TNIK: variants seen among roughly 807,000 people sequenced by gnomAD.
The protein encoded by TNIK is TRAF2 and NCK-interacting protein kinase.
A neutral mutation model predicts 191.3 loss-of-function variants in TNIK; 49 were observed. The observed-to-expected ratio is 0.26, with a 90% CI of 0.20 to 0.32. The LOEUF is 0.32. TNIK is among the 10% of genes least tolerant of loss of function. The pLI, the probability that TNIK is intolerant of heterozygous loss-of-function variation, is 1.00. For synonymous variants in TNIK, 594 were observed against 600.9 expected, an observed-to-expected ratio of 0.99 and a Z score of 0.17; for missense variants, 1,155 against 1,702.3, an observed-to-expected ratio of 0.68 and a Z score of 5.66.
chr3:171,301,143 T>C (rs999843085), intron 2 of TNIK, among the ~76,000 whole-genome samples: 3 of 150,680 alleles, frequency 2.0e-5, no homozygotes, highest in Non-Finnish European at 4.4e-5. Flanking sequence ...CCACCAAGAA[T>C]GGGAGGAGCA....
intron 1 of TNIK, among the ~76,000 whole-genome samples, chr3:171,420,851 T>A (rs1723708198): frequency 6.6e-6 from 1 of 152,202 alleles, no homozygotes; most frequent in Admixed American, 6.5e-5. Flanking sequence ...GCATCTATTG[T>A]GTGGATACAC....
chr3:171,099,291 A>G (rs1470556829), intron 22 of TNIK, among the ~76,000 whole-genome samples: 1 of 152,128 alleles, frequency 6.6e-6, no homozygotes, highest in Non-Finnish European at 1.5e-5. Flanking sequence ...TCCACCGTAT[A>G]CACCATACAT....
At chr3:171,221,442 T>C (rs1198332895) in intron 3 of TNIK, among the ~76,000 whole-genome samples, 3 of 152,158 alleles carry the variant, frequency 2.0e-5, no homozygotes, top group Non-Finnish European at 2.9e-5. Context: ...TAGCTGTCAC[T>C]TTCTCAGAAA....
chr3:171,347,257 C>T (rs1427910338), intron 2 of TNIK: 10 of 1,518,932 alleles, frequency 6.6e-6, no homozygotes, highest in South Asian at 2.4e-5. Flanking sequence ...ATGACAAAAC[C>T]CTAGCTCAGG....
At position 171,136,468 on chromosome 3, in the gene TNIK, T is replaced by G. The variant is rs74560574; in HGVS notation, c.1608+1723A>C. On this transcript the variant is annotated intron_variant, in intron 15 of 32. Transcript: ENST00000436636. ...TGGGCTACATCCTTGGGAGTGAGAGTGCCTTGGAGATCTCACTATGGTCCT... is the reference window on the plus strand; with the variant it reads ...TGGGCTACATCCTTGGGAGTGAGAGGGCCTTGGAGATCTCACTATGGTCCT... Among the ~76,000 whole-genome samples the G allele has an allele frequency of 0.01, 1,583 of 152,122 alleles. 41 individuals are homozygous for G. In the East Asian group the frequency reaches 0.11, roughly 10 times the overall value.
At chr3:171,354,802 A>G (rs1001766490) in intron 2 of TNIK, among the ~76,000 whole-genome samples, 10 of 152,242 alleles carry the variant, frequency 6.6e-5, no homozygotes, top group African/African-American at 2.4e-4. Flanking sequence ...AGGTAACACC[A>G]TGATGCATAG....
chr3:171,330,093 T>C (rs1258451610), intron 2 of TNIK, among the ~76,000 whole-genome samples: 1 of 152,202 alleles, frequency 6.6e-6, no homozygotes, highest in Admixed American at 6.5e-5. Context: ...ATCTTAACAT[T>C]TGAAGGTTTG....
intron 4 of TNIK, among the ~76,000 whole-genome samples, chr3:171,203,204 G>A (rs1159830273): frequency 6.6e-6 from 1 of 152,104 alleles, no homozygotes; most frequent in Non-Finnish European, 1.5e-5. Flanking sequence ...TTTTTACCAA[G>A]CCAAGACGCT....
rs958555100 is a variant in TNIK, at chr3:171,398,154, T to A, written c.58-28469A>T. Reference sequence around the variant, plus strand: ...TCACAGTAAATAGCACAGACTTTTGTAGATACCAAAATAACTGATGTTTTA... The same window carrying A: ...TCACAGTAAATAGCACAGACTTTTGAAGATACCAAAATAACTGATGTTTTA... On this transcript the variant is annotated intron_variant, in intron 1 of 32. Transcript: ENST00000436636. Among the ~76,000 whole-genome samples, 3 of 152,354 alleles carry A rather than the reference T, an allele frequency of 2.0e-5. No homozygotes were observed. The East Asian group carries it at 5.8e-4, about 29-fold the overall frequency.
At chr3:171,199,797 A>G (rs1409017320) in intron 4 of TNIK, among the ~76,000 whole-genome samples, 1 of 152,254 alleles carries the variant, frequency 6.6e-6, no homozygotes, top group Non-Finnish European at 1.5e-5. Context: ...ATTAATTGTG[A>G]CTATGGATAT....
At chr3:171,141,917 ACT>A (rs899566698) in intron 12 of TNIK, among the ~76,000 whole-genome samples, 92 of 152,102 alleles carry the variant, frequency 6.0e-4, no homozygotes, top group African/African-American at 2.2e-3. Context: ...ACTGTCTCAC[ACT>A]GATAAGTTAG....
chr3:171,435,223 A>T (rs571707291), intron 1 of TNIK, among the ~76,000 whole-genome samples: 2 of 152,354 alleles, frequency 1.3e-5, no homozygotes, highest in East Asian at 3.9e-4. Context: ...ACCCCCAGTG[A>T]GGCTTCCTCT....
intron 14 of TNIK, among the ~76,000 whole-genome samples, chr3:171,138,834 G>T (rs1272994125): frequency 6.6e-6 from 1 of 151,884 alleles, no homozygotes; most frequent in African/African-American, 2.4e-5. Context: ...AATAAAACTT[G>T]GACCTACAAA....
intron 19 of TNIK, among the ~76,000 whole-genome samples, chr3:171,110,007 C>T (rs138698531): frequency 0.012 from 1,888 of 151,956 alleles, 44 homozygotes; most frequent in African/African-American, 0.043. Flanking sequence ...TGGGTTCAAG[C>T]GATTCTCCTG....
chr3:171,418,280 T>G (rs138607841), intron 1 of TNIK, among the ~76,000 whole-genome samples: 32 of 152,284 alleles, frequency 2.1e-4, no homozygotes, highest in African/African-American at 7.0e-4. Flanking sequence ...CCCTGGCAAC[T>G]TCCATAAGGA....
intron 1 of TNIK, among the ~76,000 whole-genome samples, chr3:171,378,915 G>A (rs1559996477): frequency 6.6e-6 from 1 of 152,132 alleles, no homozygotes; most frequent in African/African-American, 2.4e-5. Flanking sequence ...TTTTCCTTCT[G>A]TTTGATTTCA....
chr3:171,167,360 T>G, intron 9 of TNIK, 90 bp from the exon 10 acceptor site: 1 of 1,495,570 alleles, frequency 6.7e-7, no homozygotes, highest in Non-Finnish European at 8.9e-7. Context: ...ACTTTTTCTT[T>G]TTTTAAGGTC....
intron 12 of TNIK, among the ~76,000 whole-genome samples, chr3:171,144,354 G>A (rs1203058567): frequency 6.6e-6 from 1 of 152,036 alleles, no homozygotes; most frequent in African/African-American, 2.4e-5. Flanking sequence ...TGTCCCTTTT[G>A]TCTTCTGTTG....
At chr3:171,195,152 A>G (rs1214919854) in intron 4 of TNIK, among the ~76,000 whole-genome samples, 1 of 152,190 alleles carries the variant, frequency 6.6e-6, no homozygotes, top group African/African-American at 2.4e-5. Flanking sequence ...GGACACATCA[A>G]ATAAATTCAA....
Sources: allele counts gnomAD v4.1 joint callset (sites outside exome capture counted in the v4.1 genomes callset), GRCh38; gene constraint gnomAD v4.1.1; transcripts MANE v1.5; gene names NCBI Gene and HGNC (gene_info 2026-07-23, HGNC 2026-07-21).